The following DDOST variants were observed in gnomAD, a reference collection of about 807,000 sequenced individuals.
DDOST encodes the protein dolichyl-diphosphooligosaccharide--protein glycosyltransferase non-catalytic subunit, also known as dolichyl-diphosphooligosaccharide--protein glycosyltransferase 48 kDa subunit.
Under a neutral mutation model 47.6 loss-of-function variants are expected in DDOST, and 25 were observed. That is an observed-to-expected ratio of 0.53 (90% CI 0.38 to 0.73). The LOEUF is 0.73. Ranked by LOEUF, DDOST falls within the 30% of genes least tolerant of loss-of-function variation. The pLI, the probability that DDOST is intolerant of heterozygous loss-of-function variation, is 0.00. For missense variants in DDOST, 526 were observed against 573.9 expected (o/e 0.92, Z 0.85); for synonymous variants, 275 against 236.0 (o/e 1.17, Z -1.51).
chr1:20,654,736 T>C, intron 5 of DDOST, 29 bp from the exon 6 acceptor site: 6 of 1,495,428 alleles, frequency 4.0e-6, no homozygotes, highest in Non-Finnish European at 5.5e-6. Flanking sequence ...AGCCCAGCAC[T>C]GGCCCCAGGA....
intron 2 of DDOST, among the ~76,000 whole-genome samples, chr1:20,657,481 CAGAG>C (rs2053387943): frequency 1.3e-5 from 2 of 152,148 alleles, no homozygotes; most frequent in Admixed American, 6.5e-5. Flanking sequence ...GGAGCAGCAA[CAGAG>C]GGAGGCGCGG....
intron 2 of DDOST, among the ~76,000 whole-genome samples, chr1:20,656,573 G>A (rs993532246): frequency 3.3e-5 from 5 of 152,170 alleles, no homozygotes; most frequent in African/African-American, 1.2e-4. Flanking sequence ...GATCACTGGA[G>A]CCAGTTTCCA....
In DDOST at chr1:20,652,814, G is replaced by GT. The variant is rs11428148; in HGVS notation, c.1063+36dup. The GT allele has an allele frequency of 0.58, 936,044 of 1,613,420 alleles. 274,351 individuals carry two copies. Among genetic ancestry groups the GT allele is most frequent in the Middle Eastern group, 0.69 (4,210 of 6,062 alleles). ...TCGAGAGCAAGTGAGGCCTGGGGCC[G>GT]TTTCTGGCAGCATCCTCGTGCAGGA... On this transcript the variant is annotated intron_variant, in intron 9 of 10. Coordinates refer to ENST00000602624, the MANE Select transcript of DDOST (RefSeq NM_005216.5).
chr1:20,654,160 T>C (rs369913680), intron 7 of DDOST, 63 bp downstream of exon 7: 2 of 1,524,774 alleles, frequency 1.3e-6, no homozygotes, highest in South Asian at 1.2e-5. Flanking sequence ...CCCTTCTGAG[T>C]CCTCCCCATA....
rs780430960 is a variant in DDOST at position 20,660,867 on chromosome 1, C to T, written c.265+14G>A. ...TCTCGAATTCCAGTGCTAGGGGCGA[C>T]GCGGAACCCTTACCTTCTACCGAAG... On this transcript the variant is annotated intron_variant, in intron 2 of 10. Transcript: ENST00000602624. The T allele has an allele frequency of 6.6e-7, 1 of 1,517,264 alleles. No individual in the cohort carries two copies. The highest frequency in any genetic ancestry group is 1.4e-5 in the African/African-American group (1 of 72,874). 94.0% of individuals were successfully genotyped at this position (1,517,264 alleles called of 1,614,324 possible).
Position 20,661,337 on chromosome 1 carries a change from G to GTGCTGGGCTCCATCTTCCTCCTCC in DDOST, c.-11_13dup (p.Ser4_Thr5insArgArgArgLysMetGluProSer). On this transcript the variant is annotated inframe_insertion, in exon 1 of 11. Transcript: ENST00000602624. ...AAAGAGGGCCCAAGCCCGGGCCGCG[G>GTGCTGGGCTCCATCTTCCTCCTCC]TGCTGGGCTCCATCTTCCTCCTCCT... 6.2e-7 allele frequency: 1 copy of GTGCTGGGCTCCATCTTCCTCCTCC among 1,613,314 alleles called. No individual in the cohort carries two copies. The highest frequency in any genetic ancestry group is 8.5e-7 in the Non-Finnish European group (1 of 1,179,934).
At chr1:20,659,366 T>C (rs924773769) in intron 2 of DDOST, among the ~76,000 whole-genome samples, 2 of 152,160 alleles carry the variant, frequency 1.3e-5, no homozygotes, top group Admixed American at 6.5e-5. Context: ...ACTGCTTTTT[T>C]CCTTCTGACC....
At position 20,660,868 on chromosome 1, in the gene DDOST, G is replaced by A; in HGVS notation, c.265+13C>T. 3 of 1,521,378 alleles carry A rather than the reference G, an allele frequency of 2.0e-6. No individual in the cohort carries two copies. Among genetic ancestry groups the A allele is most frequent in the Non-Finnish European group, 2.7e-6 (3 of 1,096,258 alleles). The allele number at this position is 1,521,378 out of a possible 1,614,324, so 94.2% of individuals were successfully genotyped here. On this transcript the variant is annotated intron_variant, in intron 2 of 10. Transcript: ENST00000602624. ...CTCGAATTCCAGTGCTAGGGGCGAC[G>A]CGGAACCCTTACCTTCTACCGAAGG...
At chr1:20,653,118 G>A (rs1323516948) in intron 8 of DDOST, 147 bp from the exon 9 acceptor site, 2 of 851,958 alleles carry the variant, frequency 2.3e-6, no homozygotes, top group East Asian at 5.3e-5. Flanking sequence ...CTGCCACCCG[G>A]CCCTGATCAG....
chr1:20,655,162 C>CTTTT (rs757852250), intron 5 of DDOST, among the ~76,000 whole-genome samples: 2 of 86,902 alleles, frequency 2.3e-5, no homozygotes, highest in Admixed American at 1.4e-4. Context: ...GCTCGGCCAA[C>CTTTT]TTTTTTTTGT....
rs1557574962 is a variant in DDOST, at chr1:20,661,286, G to A, written c.65C>T (p.Ala22Val). ...LFWLLLPLLGAVCASGPRTLV... is the reference protein window; with the variant it reads ...LFWLLLPLLGVVCASGPRTLV... The stretch of plus-strand genomic sequence containing the variant: ...GGTGCGGGGTCCGCTGGCGCAAACC[G>A]CGCCAAGCAAGGGCAGCAGCAACCA... The change falls in exon 1 of 11, where the codon GCG becomes GTG. Residue 22 changes from alanine (A) to valine (V), a missense_variant. By Grantham distance (64) the Ala-to-Val change is moderately conservative. Coordinates refer to ENST00000602624, the MANE Select transcript of DDOST (RefSeq NM_005216.5). The A allele has an allele frequency of 6.2e-7, 1 of 1,613,864 alleles. No individual in the cohort carries two copies. Among genetic ancestry groups the A allele is most frequent in the Non-Finnish European group, 8.5e-7 (1 of 1,179,990 alleles).
At chr1:20,661,161 GCC>G in intron 1 of DDOST, 34 bp downstream of exon 1, 5 of 1,599,906 alleles carry the variant, frequency 3.1e-6, no homozygotes, top group Non-Finnish European at 4.3e-6. Flanking sequence ...CCAACCCCAG[GCC>G]CCCACACGCT....
intron 8 of DDOST, 188 bp from the exon 9 acceptor site, chr1:20,653,159 C>A: frequency 1.6e-6 from 1 of 633,820 alleles, no homozygotes; most frequent in South Asian, 1.9e-5. Flanking sequence ...CAAGGTTAAT[C>A]CCCCAACACA....
Position 20,652,610 on chromosome 1 carries a change from C to T in DDOST, c.1170+11G>A, listed in dbSNP as rs1374771778. ...TGCTAGCTGAAAACAGAAGCTGTCACCTGTGCTTACCTGAGTGGAAGAGTA... is the reference window on the plus strand; with the variant it reads ...TGCTAGCTGAAAACAGAAGCTGTCATCTGTGCTTACCTGAGTGGAAGAGTA... On this transcript the variant is annotated intron_variant, in intron 10 of 10. Transcript: ENST00000602624. The T allele has an allele frequency of 1.9e-6, 3 of 1,614,186 alleles. No homozygotes were observed. Among genetic ancestry groups the T allele is most frequent in the Admixed American group, 1.7e-5 (1 of 60,032 alleles).
chr1:20,652,152 T>G lies in DDOST; in HGVS notation c.*227A>C. The stretch of plus-strand genomic sequence containing the variant: ...GTCCCTATTTTAGAAATGAGAGGAG[T>G]GACTGCACATAGGAAAAATGCCACT... On this transcript the variant is annotated 3_prime_UTR_variant, in exon 11 of 11. Transcript: ENST00000602624. 3 of 430,294 alleles carry G rather than the reference T, an allele frequency of 7.0e-6. No homozygotes were observed. The highest frequency in any genetic ancestry group is 3.5e-5 in the South Asian group (1 of 28,622). 26.7% of individuals were successfully genotyped at this position (430,294 alleles called of 1,614,324 possible).
rs754849715 is a variant in DDOST, at chr1:20,655,822, G to C, written c.353-43C>G. ...ACACCTAGCTGAGCCCTTACAGGGG[G>C]GCCTTGGGCCAAGTGTCCTTGGCTT... On this transcript the variant is annotated intron_variant, in intron 3 of 10. Transcript: ENST00000602624. 56 of 1,539,300 alleles carry C rather than the reference G, an allele frequency of 3.6e-5. No individual in the cohort carries two copies. In the South Asian group the frequency reaches 6.1e-4, roughly 17 times the overall value.
At chr1:20,656,291 C>T in intron 2 of DDOST, 104 bp from the exon 3 acceptor site, 1 of 827,522 alleles carries the variant, frequency 1.2e-6, no homozygotes, top group Non-Finnish European at 2.0e-6. Context: ...CGATCACTCA[C>T]AGAGCAGCAC....
chr1:20,656,967 T>C (rs10916844), intron 2 of DDOST, among the ~76,000 whole-genome samples: 8,040 of 152,294 alleles, frequency 0.053, 259 homozygotes, highest in South Asian at 0.07. Context: ...CAGTAATCCA[T>C]TTATTCATTA....
Position 20,660,894 on chromosome 1 carries a change from G to T in DDOST, c.252C>A (p.Ser84=), listed in dbSNP as rs770770173. Residue 84 remains serine, a synonymous_variant, in exon 2 of 11, where the codon TCC becomes TCA. Transcript: ENST00000602624. Reference sequence around the variant, plus strand: ...CGGAACCCTTACCTTCTACCGAAGGGGAGAAAATGATGAGATTGTCATAGA... The same window carrying T: ...CGGAACCCTTACCTTCTACCGAAGGTGAGAAAATGATGAGATTGTCATAGA... ...EFLYDNLIIF[S]PSVEDFGGNI... 3.7e-6 allele frequency: 6 copies of T among 1,603,252 alleles called. No individual in the cohort carries two copies. The highest frequency in any genetic ancestry group is 5.1e-6 in the Non-Finnish European group (6 of 1,170,206).
Sources: gnomAD v4.1 joint callset for allele counts (sites outside exome capture counted in the v4.1 genomes callset) on GRCh38, gnomAD v4.1.1 for gene constraint, MANE v1.5 for transcripts, NCBI Gene and HGNC (gene_info 2026-07-23, HGNC 2026-07-21) for gene names.